Variants in ATP8A2 observed in about 807,000 individuals in gnomAD.
ATP8A2 encodes the protein ATPase phospholipid transporting 8A2.
Under a neutral mutation model 165.6 loss-of-function variants are expected in ATP8A2, and 100 were observed. The observed-to-expected ratio is 0.60, with a 90% CI of 0.51 to 0.71. ATP8A2 has a LOEUF of 0.71. Ranked by LOEUF, ATP8A2 falls within the 30% of genes least tolerant of loss-of-function variation. ATP8A2 has a pLI of 0.00. For missense variants in ATP8A2, 1,227 were observed against 1,479.5 expected (o/e 0.83, Z 2.80); for synonymous variants, 543 against 548.8 (o/e 0.99, Z 0.15).
chr13:25,500,649 G>A (rs374809720), intron 2 of ATP8A2, among the ~76,000 whole-genome samples: 4 of 152,162 alleles, frequency 2.6e-5, no homozygotes, highest in Non-Finnish European at 4.4e-5. Context: ...GCAGTGGTGC[G>A]ATCTTGGCTT....
chr13:25,478,083 A>T (rs1019103078), intron 2 of ATP8A2, among the ~76,000 whole-genome samples: 1 of 152,178 alleles, frequency 6.6e-6, no homozygotes, highest in Non-Finnish European at 1.5e-5. Context: ...AACATACATG[A>T]TTTTGAAGGG....
intron 26 of ATP8A2, among the ~76,000 whole-genome samples, chr13:25,771,294 C>T (rs940879035): frequency 2.0e-5 from 3 of 152,186 alleles, no homozygotes; most frequent in African/African-American, 4.8e-5. Flanking sequence ...GCCGGCCCCA[C>T]GCACACCTGC....
At chr13:25,658,160 C>T (rs891907292) in intron 24 of ATP8A2, among the ~76,000 whole-genome samples, 1 of 152,184 alleles carries the variant, frequency 6.6e-6, no homozygotes, top group Non-Finnish European at 1.5e-5. Context: ...GATTGATTGC[C>T]TCAGCTAACA....
chr13:25,599,601 G>A (rs1045876996), intron 24 of ATP8A2, among the ~76,000 whole-genome samples: 1 of 152,162 alleles, frequency 6.6e-6, no homozygotes. Flanking sequence ...TGTATCACTT[G>A]GGTTTTTCTT....
At position 25,577,065 on chromosome 13, in the gene ATP8A2, C is replaced by A; in HGVS notation, c.1713-4C>A. 6.2e-7 allele frequency: 1 copy of A among 1,612,090 alleles called. No homozygotes were observed. The highest frequency in any genetic ancestry group is 8.5e-7 in the Non-Finnish European group (1 of 1,178,774). ...TGATGACTTTTTTTTTTTCACTCTC[C>A]CAGTGACAGAAAAAGAATGTCTGTA... On this transcript the variant is annotated splice_region_variant and splice_polypyrimidine_tract_variant and intron_variant, in intron 19 of 36. Transcript: ENST00000381655.
chr13:25,644,334 C>T (rs1295090799), intron 24 of ATP8A2, among the ~76,000 whole-genome samples: 2 of 151,980 alleles, frequency 1.3e-5, no homozygotes, highest in East Asian at 3.9e-4. Context: ...TAGTTTTTGT[C>T]TTTCATTCTG....
chr13:25,593,944 A>G (rs1403140363), intron 24 of ATP8A2, among the ~76,000 whole-genome samples: 1 of 152,240 alleles, frequency 6.6e-6, no homozygotes, highest in East Asian at 1.9e-4. Context: ...TGTGTGTGCT[A>G]GTTCCAGCTC....
intron 1 of ATP8A2, among the ~76,000 whole-genome samples, chr13:25,376,681 C>G (rs1332186537): frequency 2.0e-5 from 3 of 152,346 alleles, no homozygotes; most frequent in Middle Eastern, 3.4e-3. Flanking sequence ...TTCTCCCATG[C>G]TGCCCATCGT....
At chr13:25,389,879 A>G (rs2033183093) in intron 1 of ATP8A2, among the ~76,000 whole-genome samples, 1 of 152,256 alleles carries the variant, frequency 6.6e-6, no homozygotes, top group Non-Finnish European at 1.5e-5. Context: ...CACAAGGCAT[A>G]ATTAATTGCT....
chr13:25,837,075 G>T, intron 28 of ATP8A2, 88 bp from the exon 29 acceptor site: 2 of 1,513,880 alleles, frequency 1.3e-6, no homozygotes, highest in Non-Finnish European at 1.8e-6. Context: ...GACTTGACTG[G>T]AAGTGAAGTC....
intron 33 of ATP8A2, among the ~76,000 whole-genome samples, chr13:25,898,773 C>T (rs1036971218): frequency 6.6e-6 from 1 of 152,206 alleles, no homozygotes; most frequent in Non-Finnish European, 1.5e-5. Flanking sequence ...GCAGTTTGAT[C>T]TCAGACTACT....
chr13:25,955,155 A>G (rs1955489971), intron 33 of ATP8A2, among the ~76,000 whole-genome samples: 1 of 152,212 alleles, frequency 6.6e-6, no homozygotes, highest in African/African-American at 2.4e-5. Context: ...GAACAACATA[A>G]AGCAGGAAAG....
chr13:25,934,869 C>T (rs1040866480), intron 33 of ATP8A2, among the ~76,000 whole-genome samples: 1 of 152,112 alleles, frequency 6.6e-6, no homozygotes, highest in Non-Finnish European at 1.5e-5. Context: ...TCATACAGTT[C>T]GGTGTGGCTG....
At position 25,740,797 on chromosome 13, in the gene ATP8A2, T is replaced by G. The variant is rs368203396; in HGVS notation, c.2385-28249T>G. On this transcript the variant is annotated intron_variant, in intron 25 of 36. Coordinates refer to ENST00000381655, the MANE Select transcript of ATP8A2 (RefSeq NM_016529.6). Reference sequence around the variant, plus strand: ...TAGCATGTAAATGAATATTAAGGTCTGACTGGGTTAGTGTGTCAGCTAATT... The same window carrying G: ...TAGCATGTAAATGAATATTAAGGTCGGACTGGGTTAGTGTGTCAGCTAATT... 7.0e-4 allele frequency among the ~76,000 whole-genome samples: 107 copies of G among 152,370 alleles called. 1 individual carries two copies. In the South Asian group the frequency reaches 0.022, roughly 31 times the overall value.
chr13:25,525,576 A>G (rs2037816780), intron 2 of ATP8A2, among the ~76,000 whole-genome samples: 1 of 152,168 alleles, frequency 6.6e-6, no homozygotes, highest in South Asian at 2.1e-4. Context: ...TTTGCTGGAT[A>G]CAGTATTCTT....
chr13:25,984,635 G>T (rs957140452), intron 35 of ATP8A2, among the ~76,000 whole-genome samples: 1 of 150,904 alleles, frequency 6.6e-6, no homozygotes, highest in Non-Finnish European at 1.5e-5. Context: ...AAACAAAAAC[G>T]AAACAAAACA....
chr13:25,768,195 G>T (rs1220763298), intron 25 of ATP8A2, among the ~76,000 whole-genome samples: 1 of 152,076 alleles, frequency 6.6e-6, no homozygotes, highest in Non-Finnish European at 1.5e-5. Flanking sequence ...GTCCTGAGAT[G>T]CTAGTCTTTG....
At position 25,492,559 on chromosome 13, in the gene ATP8A2, A is replaced by C. The variant is rs1376852515; in HGVS notation, c.221+23438A>C. 2.0e-5 allele frequency among the ~76,000 whole-genome samples: 3 copies of C among 152,026 alleles called. No individual in the cohort carries two copies. In the East Asian group the frequency reaches 5.8e-4, roughly 29 times the overall value. ...GATGCCCAGCCTTGACCCAGTCTGG[A>C]CCCTCCTACTGTTTCTAACCTTTGA... is the stretch of plus-strand genomic sequence containing the variant. On this transcript the variant is annotated intron_variant, in intron 2 of 36. Transcript: ENST00000381655.
chr13:25,741,495 C>G (rs1296082245), intron 25 of ATP8A2, among the ~76,000 whole-genome samples: 1 of 152,150 alleles, frequency 6.6e-6, no homozygotes, highest in African/African-American at 2.4e-5. Context: ...AACCCTCCCA[C>G]CTCAGCCTCC....
Sources: gnomAD v4.1 joint callset for allele counts (sites outside exome capture counted in the v4.1 genomes callset) on GRCh38, gnomAD v4.1.1 for gene constraint, MANE v1.5 for transcripts, NCBI Gene and HGNC (gene_info 2026-07-23, HGNC 2026-07-21) for gene names.